Variants in CSGALNACT1 observed in about 807,000 individuals in gnomAD.
The protein encoded by CSGALNACT1 is beta4GalNAcT-1.
In CSGALNACT1, 52 loss-of-function variants were observed where a neutral mutation model predicts 51.0. The ratio of observed to expected loss-of-function variants is 1.02; its 90% confidence interval spans 0.82 to 1.29. The LOEUF (loss-of-function observed/expected upper bound fraction) is 1.29, where lower values mean the gene tolerates loss of function less well. Ranked by LOEUF, CSGALNACT1 falls within the 50% of genes most tolerant of loss-of-function variation. The pLI, the probability that CSGALNACT1 is intolerant of heterozygous loss-of-function variation, is 0.00. For missense variants in CSGALNACT1, 935 were observed against 679.2 expected (o/e 1.38, Z -4.19); for synonymous variants, 341 against 254.4 (o/e 1.34, Z -3.24).
At chr8:19,412,391 G>A (rs915321291) in intron 8 of CSGALNACT1, among the ~76,000 whole-genome samples, 1 of 152,242 alleles carries the variant, frequency 6.6e-6, no homozygotes, top group Admixed American at 6.5e-5. Flanking sequence ...CCCCAAAGAT[G>A]TGGGAAGGCA....
chr8:19,660,468 G>C (rs1009766368), intron 1 of CSGALNACT1, among the ~76,000 whole-genome samples: 4 of 152,134 alleles, frequency 2.6e-5, no homozygotes, highest in Non-Finnish European at 5.9e-5. Context: ...TAACACTATG[G>C]TGCCACAGCC....
intron 4 of CSGALNACT1, among the ~76,000 whole-genome samples, chr8:19,488,504 G>A (rs1425929632): frequency 6.7e-6 from 1 of 150,274 alleles, no homozygotes; most frequent in African/African-American, 2.4e-5. Flanking sequence ...GCAGTGTTTT[G>A]GAAATGATTC....
intron 3 of CSGALNACT1, among the ~76,000 whole-genome samples, chr8:19,560,614 A>C (rs1252915521): frequency 1.3e-5 from 2 of 152,204 alleles, no homozygotes; most frequent in Non-Finnish European, 2.9e-5. Flanking sequence ...CACAAACAGG[A>C]AAAAGGAATC....
At chr8:19,570,147 A>G (rs2042705168) in intron 3 of CSGALNACT1, among the ~76,000 whole-genome samples, 1 of 151,938 alleles carries the variant, frequency 6.6e-6, no homozygotes, top group South Asian at 2.1e-4. Context: ...TGGTGATTAA[A>G]CAGATATATT....
intron 3 of CSGALNACT1, among the ~76,000 whole-genome samples, chr8:19,557,469 C>T (rs1193709595): frequency 6.6e-6 from 1 of 152,178 alleles, no homozygotes; most frequent in African/African-American, 2.4e-5. Flanking sequence ...CCTAAAAGAC[C>T]CTGCACCCAG....
chr8:19,663,550 G>C (rs1307628180), intron 1 of CSGALNACT1, among the ~76,000 whole-genome samples: 2 of 152,290 alleles, frequency 1.3e-5, no homozygotes, highest in South Asian at 4.1e-4. Flanking sequence ...CCACAGGGAA[G>C]AAACAGGCAA....
At chr8:19,569,528 T>C (rs373773160) in intron 3 of CSGALNACT1, among the ~76,000 whole-genome samples, 65 of 151,446 alleles carry the variant, frequency 4.3e-4, no homozygotes, top group Middle Eastern at 6.8e-3. Context: ...AAAAAAAAAA[T>C]CTACTTTTAA....
intron 1 of CSGALNACT1, among the ~76,000 whole-genome samples, chr8:19,677,059 A>G (rs914895334): frequency 1.3e-5 from 2 of 152,234 alleles, no homozygotes; most frequent in African/African-American, 4.8e-5. Flanking sequence ...TCTTTCAGTA[A>G]AAGGGAAGAA....
chr8:19,616,699 G>A (rs576485398), intron 1 of CSGALNACT1, among the ~76,000 whole-genome samples: 9 of 150,440 alleles, frequency 6.0e-5, no homozygotes, highest in Admixed American at 4.6e-4. Context: ...TCTCTCTCTC[G>A]CTTCTACTCT....
At chr8:19,718,004 G>C (rs1357671161) in intron 1 of CSGALNACT1, among the ~76,000 whole-genome samples, 1 of 152,164 alleles carries the variant, frequency 6.6e-6, no homozygotes, top group African/African-American at 2.4e-5. Context: ...TCAAGCCATC[G>C]CAGGGCTGGG....
chr8:19,689,696 TAG>T (rs1288212125), intron 1 of CSGALNACT1, among the ~76,000 whole-genome samples: 4 of 152,174 alleles, frequency 2.6e-5, no homozygotes, highest in Admixed American at 1.3e-4. Context: ...CCAACCAAAA[TAG>T]AGTCACTCAT....
chr8:19,425,711 C>T (rs1345620589), intron 6 of CSGALNACT1, among the ~76,000 whole-genome samples: 1 of 152,114 alleles, frequency 6.6e-6, no homozygotes, highest in Non-Finnish European at 1.5e-5. Context: ...TCCTCAACCT[C>T]GGCTAAATAA....
intron 5 of CSGALNACT1, among the ~76,000 whole-genome samples, chr8:19,446,368 G>T (rs1001507638): frequency 1.1e-4 from 16 of 152,054 alleles, no homozygotes; most frequent in African/African-American, 3.4e-4. Context: ...CGAAGCCTTT[G>T]CCATGAATCT....
chr8:19,517,327 T>C (rs920494040), intron 3 of CSGALNACT1, among the ~76,000 whole-genome samples: 2 of 151,948 alleles, frequency 1.3e-5, no homozygotes, highest in Non-Finnish European at 2.9e-5. Context: ...GTAATCCCAG[T>C]TGCTCGGGAG....
intron 3 of CSGALNACT1, among the ~76,000 whole-genome samples, chr8:19,525,015 C>T (rs749894830): frequency 6.6e-6 from 1 of 152,164 alleles, no homozygotes; most frequent in East Asian, 1.9e-4. Context: ...AGAAATAGTG[C>T]CTAGCACAAA....
At chr8:19,673,972 G>A (rs1164357092) in intron 1 of CSGALNACT1, among the ~76,000 whole-genome samples, 1 of 152,120 alleles carries the variant, frequency 6.6e-6, no homozygotes, top group Non-Finnish European at 1.5e-5. Flanking sequence ...TTAGGTGAAG[G>A]GCAGAAGGCA....
At chr8:19,610,592 G>A (rs1009073799) in intron 1 of CSGALNACT1, among the ~76,000 whole-genome samples, 33 of 152,164 alleles carry the variant, frequency 2.2e-4, no homozygotes, top group Non-Finnish European at 2.8e-4. Context: ...GCGCCAGCAG[G>A]CCACCAACCA....
At chr8:19,642,328 G>T (rs1394699986) in intron 1 of CSGALNACT1, among the ~76,000 whole-genome samples, 2 of 152,128 alleles carry the variant, frequency 1.3e-5, no homozygotes, top group Non-Finnish European at 2.9e-5. Context: ...TTGTAAGGAG[G>T]AAGAATACAA....
At chr8:19,445,107 G>A (rs1397474367) in intron 5 of CSGALNACT1, among the ~76,000 whole-genome samples, 3 of 152,186 alleles carry the variant, frequency 2.0e-5, no homozygotes, top group East Asian at 1.9e-4. Context: ...AGGATGTAAC[G>A]ATATGTTTTG....
Sources: allele counts gnomAD v4.1 joint callset (sites outside exome capture counted in the v4.1 genomes callset), GRCh38; gene constraint gnomAD v4.1.1; transcripts MANE v1.5; gene names NCBI Gene and HGNC (gene_info 2026-07-23, HGNC 2026-07-21).